Variants in UBXN8 observed in about 807,000 individuals in gnomAD.
The protein encoded by UBXN8 is UBX domain protein 8.
A neutral mutation model predicts 32.1 loss-of-function variants in UBXN8; 27 were observed. The observed-to-expected ratio is 0.84, with a 90% CI of 0.62 to 1.16. The LOEUF (loss-of-function observed/expected upper bound fraction) is 1.16. Among genes scored for constraint, UBXN8 ranks in the 50% most tolerant of loss-of-function variants. UBXN8 has a pLI of 0.00. For missense variants in UBXN8, 306 were observed against 311.4 expected (o/e 0.98, Z 0.13); for synonymous variants, 109 against 111.8 (o/e 0.98, Z 0.16).
intron 1 of UBXN8, chr8:30,744,518 C>G (rs1322129943): frequency 3.6e-6 from 2 of 550,408 alleles, no homozygotes; most frequent in South Asian, 2.6e-5. Flanking sequence ...CAATCATAGA[C>G]AGTGCTTTCG....
At chr8:30,765,703 G>A (rs541256770) in intron 7 of UBXN8, among the ~76,000 whole-genome samples, 56 of 151,300 alleles carry the variant, frequency 3.7e-4, no homozygotes, top group Admixed American at 1.7e-3. Context: ...ACAGGTGCCC[G>A]CCACCACGCC....
chr8:30,749,576 A>G (rs1203057786), intron 1 of UBXN8, among the ~76,000 whole-genome samples: 1 of 150,588 alleles, frequency 6.6e-6, no homozygotes, highest in Non-Finnish European at 1.5e-5. Context: ...ATTATCATAG[A>G]ACTAGAATTT....
intron 1 of UBXN8, among the ~76,000 whole-genome samples, chr8:30,747,196 T>G (rs1231833783): frequency 1.4e-5 from 2 of 140,798 alleles, no homozygotes; most frequent in Admixed American, 1.4e-4. Context: ...TTTTTTTTCT[T>G]TAAAGGTATA....
At chr8:30,747,281 G>C (rs1183874162) in intron 1 of UBXN8, among the ~76,000 whole-genome samples, 2 of 135,776 alleles carry the variant, frequency 1.5e-5, no homozygotes, top group African/African-American at 5.7e-5. Flanking sequence ...CAGTAGTATG[G>C]AACATAAATC....
chr8:30,754,368 T>C (rs776952573), intron 3 of UBXN8: 5 of 464,412 alleles, frequency 1.1e-5, no homozygotes, highest in Non-Finnish European at 1.7e-5. Flanking sequence ...TCAATTTGAA[T>C]CAGGATAGGA....
intron 1 of UBXN8, among the ~76,000 whole-genome samples, chr8:30,735,189 T>C (rs1308641317): frequency 9.2e-5 from 14 of 152,222 alleles, no homozygotes; most frequent in Non-Finnish European, 1.0e-4. Context: ...GACTTGTGGA[T>C]GTTTTGCTAG....
intron 1 of UBXN8, among the ~76,000 whole-genome samples, chr8:30,738,654 C>CAAAA (rs536271863): frequency 1.1e-4 from 8 of 75,366 alleles, no homozygotes; most frequent in African/African-American, 1.3e-4. Context: ...GCCTCCGTCT[C>CAAAA]AAAAAAAAAA....
At chr8:30,730,598 G>A (rs1232518923), upstream of UBXN8, among the ~76,000 whole-genome samples, 1 of 152,156 alleles carries the variant, frequency 6.6e-6, no homozygotes, top group Non-Finnish European at 1.5e-5. Context: ...ATATGCAAAG[G>A]CTAAACCGAT....
At chr8:30,746,218 TTCTC>T (rs1339591752) in intron 1 of UBXN8, among the ~76,000 whole-genome samples, 3 of 152,172 alleles carry the variant, frequency 2.0e-5, no homozygotes, top group Non-Finnish European at 4.4e-5. Context: ...ATTAGCTTCT[TTCTC>T]AGAATTCTGA....
chr8:30,729,213 C>T (rs181058725), upstream of UBXN8, among the ~76,000 whole-genome samples: 13 of 152,364 alleles, frequency 8.5e-5, no homozygotes, highest in Admixed American at 3.9e-4. Context: ...ATCCTGCGAG[C>T]GCTCCTGGGT....
intron 3 of UBXN8, among the ~76,000 whole-genome samples, chr8:30,753,488 C>G (rs941801106): frequency 6.6e-6 from 1 of 152,086 alleles, no homozygotes; most frequent in African/African-American, 2.4e-5. Context: ...AACTCCTGAC[C>G]TCAGGTGATC....
At chr8:30,747,363 T>G (rs1416614095) in intron 1 of UBXN8, among the ~76,000 whole-genome samples, 1 of 109,314 alleles carries the variant, frequency 9.1e-6, no homozygotes, top group East Asian at 3.0e-4. Context: ...CACGCAGGAG[T>G]GCAGTGGCAC....
At chr8:30,730,611 A>G (rs940025929), upstream of UBXN8, among the ~76,000 whole-genome samples, 3 of 152,198 alleles carry the variant, frequency 2.0e-5, no homozygotes, top group Non-Finnish European at 4.4e-5. Flanking sequence ...AAACCGATAC[A>G]GGGAAGCTCT....
At chr8:30,754,438 C>A in intron 3 of UBXN8, 1 of 615,334 alleles carries the variant, frequency 1.6e-6, no homozygotes, top group South Asian at 1.5e-5. Flanking sequence ...AAACCACAAC[C>A]TGGTTGATAC....
chr8:30,731,042 A>T (rs1804939401), upstream of UBXN8, among the ~76,000 whole-genome samples: 1 of 152,226 alleles, frequency 6.6e-6, no homozygotes, highest in African/African-American at 2.4e-5. Context: ...CGGGAAAGAA[A>T]CTCAGCCTGG....
chr8:30,738,997 T>C (rs1476302791), intron 1 of UBXN8, among the ~76,000 whole-genome samples: 1 of 150,726 alleles, frequency 6.6e-6, no homozygotes, highest in Non-Finnish European at 1.5e-5. Flanking sequence ...GTATGATTCA[T>C]GTATATAATA....
At chr8:30,750,906 C>T (rs888690782) in intron 1 of UBXN8, among the ~76,000 whole-genome samples, 1 of 151,974 alleles carries the variant, frequency 6.6e-6, no homozygotes, top group Non-Finnish European at 1.5e-5. Context: ...TTTTCCCCGT[C>T]GTTAGTCCAT....
rs749043850 is a variant in UBXN8, at chr8:30,760,868, TTACCAA to T, written c.529-16_529-11del. The T allele has an allele frequency of 1.3e-6, 2 of 1,505,378 alleles. No homozygotes were observed. The highest frequency in any genetic ancestry group is 2.5e-5 in the South Asian group (2 of 79,762). 93.3% of individuals were successfully genotyped at this position (1,505,378 alleles called of 1,614,324 possible). On this transcript the variant is annotated splice_polypyrimidine_tract_variant and intron_variant, in intron 5 of 7. Coordinates refer to ENST00000265616, the MANE Select transcript of UBXN8 (RefSeq NM_005671.4). ...CTTGTTGAACATGTTTACATTCCTCTTACCAATACTTTTCTTTAGATTCCTGATTTA... is the reference window on the plus strand; with the variant it reads ...CTTGTTGAACATGTTTACATTCCTCTTACTTTTCTTTAGATTCCTGATTTA...
At chr8:30,732,230 T>C, upstream of UBXN8, 1 of 387,504 alleles carries the variant, frequency 2.6e-6, no homozygotes, top group Admixed American at 4.5e-5. Context: ...GGCTGCGTGT[T>C]GCTCCAGTAC....
Sources: gnomAD v4.1 joint callset for allele counts (sites outside exome capture counted in the v4.1 genomes callset) on GRCh38, gnomAD v4.1.1 for gene constraint, MANE v1.5 for transcripts, NCBI Gene and HGNC (gene_info 2026-07-23, HGNC 2026-07-21) for gene names.